Variants in CACNA1E observed in about 807,000 individuals in gnomAD.
CACNA1E encodes calcium voltage-gated channel subunit alpha1 E.
In CACNA1E, 40 loss-of-function variants were observed where a neutral mutation model predicts 259.2. The ratio of observed to expected loss-of-function variants is 0.15; its 90% CI spans 0.12 to 0.20. The LOEUF (loss-of-function observed/expected upper bound fraction) is 0.20, where lower values mean the gene tolerates loss of function less well. CACNA1E is among the 10% of genes least tolerant of loss of function. The pLI, the probability that CACNA1E is intolerant of heterozygous loss-of-function variation, is 1.00. For missense variants in CACNA1E, 1,874 were observed against 3,040.1 expected, an observed-to-expected ratio of 0.62 and a Z score of 9.02; for synonymous variants, 1,104 against 1,138.5, an observed-to-expected ratio of 0.97 and a Z score of 0.61.
intron 3 of CACNA1E, among the ~76,000 whole-genome samples, chr1:181,524,116 C>G (rs10465487): frequency 0.031 from 4,786 of 152,238 alleles, 263 homozygotes; most frequent in African/African-American, 0.11. Context: ...TCATGCAGAG[C>G]CATTTCTCAG....
chr1:181,335,555 C>T (rs1318511913), intron 1 of CACNA1E, among the ~76,000 whole-genome samples: 1 of 152,168 alleles, frequency 6.6e-6, no homozygotes, highest in African/African-American at 2.4e-5. Flanking sequence ...GTATTGTCTT[C>T]AGGTTTTCAG....
upstream of CACNA1E, among the ~76,000 whole-genome samples, chr1:181,479,355 G>C (rs777654124): frequency 3.9e-5 from 6 of 152,174 alleles, no homozygotes; most frequent in Non-Finnish European, 8.8e-5. Context: ...CTGACAACAG[G>C]AAAATACAGT....
chr1:181,527,781 T>G (rs1667470685), intron 3 of CACNA1E, among the ~76,000 whole-genome samples: 1 of 152,218 alleles, frequency 6.6e-6, no homozygotes, highest in Non-Finnish European at 1.5e-5. Context: ...TAGTTCTATG[T>G]TGTTTTTGTT....
At chr1:181,506,955 G>A (rs942373495) in intron 1 of CACNA1E, among the ~76,000 whole-genome samples, 1 of 152,094 alleles carries the variant, frequency 6.6e-6, no homozygotes, top group South Asian at 2.1e-4. Context: ...CATTACCGCA[G>A]CCATGAATTC....
intron 3 of CACNA1E, among the ~76,000 whole-genome samples, chr1:181,525,973 A>T (rs892786412): frequency 6.6e-6 from 1 of 152,132 alleles, no homozygotes; most frequent in Non-Finnish European, 1.5e-5. Flanking sequence ...CAGTTGCCCA[A>T]ATTTTTCAGC....
chr1:181,770,876 A>G (rs1007694184), intron 35 of CACNA1E, among the ~76,000 whole-genome samples: 4 of 152,148 alleles, frequency 2.6e-5, no homozygotes, highest in African/African-American at 9.7e-5. Context: ...GAATGCTCCC[A>G]TCATGACTAC....
In CACNA1E at chr1:181,674,394, C is replaced by CAA. The variant is rs10711497; in HGVS notation, c.1055+22978_1055+22979dup. 6.9e-4 allele frequency among the ~76,000 whole-genome samples: 30 copies of CAA among 43,580 alleles called. 1 individual carries two copies. The highest frequency in any genetic ancestry group is 2.2e-3 in the East Asian group (2 of 914). The allele number at this position is 43,580 out of a possible 152,430, so 28.6% of individuals were successfully genotyped here. On this transcript the variant is annotated intron_variant, in intron 7 of 47. Coordinates refer to ENST00000367573, the MANE Select transcript of CACNA1E (RefSeq NM_001205293.3). ...TGGGTGACAGAGCAAGACTCCATCT[C>CAA]AAAAAAAAAAAAAAAAAAAAAAAAA...
Position 181,732,674 on chromosome 1 carries a change from G to T in CACNA1E, c.2588G>T (p.Arg863Leu). ...GGSLKGDGGD[R>L]SSALDNQRTP... ...TCCCTCAAGGGGGATGGAGGGGACCGATCCAGTGCCCTGGACAACCAGAGG... is the reference window on the plus strand; with the variant it reads ...TCCCTCAAGGGGGATGGAGGGGACCTATCCAGTGCCCTGGACAACCAGAGG... Residue 863 changes from arginine to leucine, a missense_variant, in exon 20 of 48, where the codon CGA becomes CTA. Physicochemically the swap from Arg to Leu is moderately radical, Grantham distance 102 (BLOSUM62 -2). Coordinates refer to ENST00000367573, the MANE Select transcript of CACNA1E (RefSeq NM_001205293.3). The surrounding 1 kb of genome is among the most constrained non-coding windows in gnomAD (Gnocchi z 5.5). 2 of 1,524,198 alleles carry T rather than the reference G, an allele frequency of 1.3e-6. No homozygotes were observed. Among genetic ancestry groups the T allele is most frequent in the Non-Finnish European group, 8.8e-7 (1 of 1,138,030 alleles). 94.4% of individuals were successfully genotyped at this position (1,524,198 alleles called of 1,614,324 possible).
intron 1 of CACNA1E, among the ~76,000 whole-genome samples, chr1:181,400,033 A>G (rs1022534192): frequency 6.6e-6 from 1 of 152,230 alleles, no homozygotes; most frequent in Non-Finnish European, 1.5e-5. Context: ...GATGAATAGT[A>G]CAGGTGACCC....
chr1:181,661,869 A>C (rs1432383074), intron 7 of CACNA1E, among the ~76,000 whole-genome samples: 1 of 152,252 alleles, frequency 6.6e-6, no homozygotes, highest in Non-Finnish European at 1.5e-5. Context: ...ACTGAGATCT[A>C]CTAGGCACAA....
intron 1 of CACNA1E, chr1:181,318,179 T>C (rs1201462454): frequency 1.3e-5 from 2 of 152,194 alleles, no homozygotes; most frequent in African/African-American, 4.8e-5. Flanking sequence ...CCGCATGCAC[T>C]GCCTGCGGGG....
At chr1:181,584,711 G>A (rs764104515) in intron 6 of CACNA1E, among the ~76,000 whole-genome samples, 8 of 152,146 alleles carry the variant, frequency 5.3e-5, no homozygotes, top group Non-Finnish European at 1.0e-4. Context: ...TACAGAGAAT[G>A]CTTTGGGTTC....
At chr1:181,542,578 T>A (rs200186297) in intron 3 of CACNA1E, among the ~76,000 whole-genome samples, 2 of 152,008 alleles carry the variant, frequency 1.3e-5, no homozygotes, top group East Asian at 3.9e-4. Context: ...TATAAGGGGC[T>A]CTTCCCCATT....
chr1:181,475,599 T>C (rs1380236966), intron 2 of CACNA1E, among the ~76,000 whole-genome samples: 1 of 152,220 alleles, frequency 6.6e-6, no homozygotes, highest in Non-Finnish European at 1.5e-5. Flanking sequence ...TACCTCATAC[T>C]ATGGTACGTG....
At chr1:181,529,529 C>T (rs10797723) in intron 3 of CACNA1E, among the ~76,000 whole-genome samples, 2,178 of 152,242 alleles carry the variant, frequency 0.014, 71 homozygotes, top group East Asian at 0.14. Context: ...CTGGAAAAGC[C>T]GCAGACACTC....
chr1:181,757,424 C>T (rs938169628), intron 30 of CACNA1E, among the ~76,000 whole-genome samples: 1 of 152,292 alleles, frequency 6.6e-6, no homozygotes, highest in African/African-American at 2.4e-5. Context: ...TGACTGTGAC[C>T]TTCCATGCCA....
At chr1:181,689,327 C>T (rs549686084) in intron 7 of CACNA1E, among the ~76,000 whole-genome samples, 140 of 152,234 alleles carry the variant, frequency 9.2e-4, no homozygotes, top group African/African-American at 3.3e-3. Context: ...TTTTTTGTGG[C>T]CACATAGTAT....
At chr1:181,475,200 T>A (rs1429035064) in intron 2 of CACNA1E, among the ~76,000 whole-genome samples, 1 of 152,214 alleles carries the variant, frequency 6.6e-6, no homozygotes, top group Admixed American at 6.5e-5. Context: ...GCTATGAGGA[T>A]AACATAATGC....
At chr1:181,720,370 GCTCAAAACCCAGTCGTAGC>G in intron 14 of CACNA1E, 33 bp downstream of exon 14, 1 of 1,602,416 alleles carries the variant, frequency 6.2e-7, no homozygotes, top group Middle Eastern at 1.7e-4. Context: ...TCCAAAGGAG[GCTCAAAACCCAGTCGTAGC>G]CTGTGTTGGG....
Sources: allele counts gnomAD v4.1 joint callset (sites outside exome capture counted in the v4.1 genomes callset), GRCh38; gene constraint gnomAD v4.1.1; non-coding constraint Gnocchi (gnomAD v3.1); transcripts MANE v1.5; gene names NCBI Gene and HGNC (gene_info 2026-07-23, HGNC 2026-07-21).